Variants in PPP2R2C observed in about 807,000 individuals in gnomAD.
The protein encoded by PPP2R2C is protein phosphatase 2, regulatory subunit B, gamma.
A neutral mutation model predicts 45.3 loss-of-function variants in PPP2R2C; 10 were observed. The ratio of observed to expected loss-of-function variants is 0.22; its 90% CI spans 0.14 to 0.37. PPP2R2C has a LOEUF of 0.37. PPP2R2C is among the 10% of genes least tolerant of loss of function. The pLI, the probability that PPP2R2C is intolerant of heterozygous loss-of-function variation, is 1.00. For synonymous variants in PPP2R2C, 257 were observed against 245.4 expected (o/e 1.05, Z -0.44); for missense variants, 308 against 619.7 (o/e 0.50, Z 5.34).
At chr4:6,325,582 C>T (rs1010246476) in intron 8 of PPP2R2C, among the ~76,000 whole-genome samples, 2 of 152,128 alleles carry the variant, frequency 1.3e-5, no homozygotes, top group African/African-American at 4.8e-5. Flanking sequence ...GGAAGGAGAG[C>T]GACATAATTA....
rs532160110 is a variant in PPP2R2C, at chr4:6,384,652, T to C, written c.71-3558A>G. The C allele has an allele frequency of 1.3e-5, 13 of 985,490 alleles. No homozygotes were observed. The South Asian group carries it at 5.6e-4, about 43-fold the overall frequency. The allele number at this position is 985,490 out of a possible 1,614,324, so 61.0% of individuals were successfully genotyped here. Reference sequence around the variant, plus strand: ...CCAATATAACTATTGCTATCCCAAGTAAATGCAGTCCACAAATGCTGGGTG... The same window carrying C: ...CCAATATAACTATTGCTATCCCAAGCAAATGCAGTCCACAAATGCTGGGTG... On this transcript the variant is annotated intron_variant, in intron 1 of 8. Transcript: ENST00000382599.
chr4:6,458,040 C>G (rs982564069), intron 1 of PPP2R2C, among the ~76,000 whole-genome samples: 2 of 152,218 alleles, frequency 1.3e-5, no homozygotes, highest in African/African-American at 4.8e-5. Context: ...CACTCAACTC[C>G]TCTGGCTGCA....
At chr4:6,414,112 G>A in intron 1 of PPP2R2C, 1 of 1,278,708 alleles carries the variant, frequency 7.8e-7, no homozygotes, top group Non-Finnish European at 1.0e-6. Context: ...GTGTGTGTGT[G>A]TGTGTGTGTG....
intron 1 of PPP2R2C, among the ~76,000 whole-genome samples, chr4:6,403,160 G>A (rs776172548): frequency 2.0e-5 from 3 of 152,236 alleles, no homozygotes; most frequent in Non-Finnish European, 4.4e-5. Flanking sequence ...CCACGTGGGT[G>A]GGAGATTACT....
intron 1 of PPP2R2C, among the ~76,000 whole-genome samples, chr4:6,403,576 C>G (rs1717590918): frequency 6.6e-6 from 1 of 152,140 alleles, no homozygotes; most frequent in Admixed American, 6.5e-5. Context: ...TGGAACCTTT[C>G]CACTGACATG....
intron 5 of PPP2R2C, chr4:6,349,771 G>T: frequency 1.4e-6 from 1 of 739,262 alleles, no homozygotes; most frequent in South Asian, 6.1e-5. Context: ...TATGCCTGTA[G>T]TCCCAGCTAA....
chr4:6,456,980 G>A (rs1721075209), intron 1 of PPP2R2C, among the ~76,000 whole-genome samples: 1 of 152,092 alleles, frequency 6.6e-6, no homozygotes, highest in Non-Finnish European at 1.5e-5. Flanking sequence ...GGCTAAGGCG[G>A]GCAGATCACC....
chr4:6,461,847 G>C (rs1174157679), intron 1 of PPP2R2C, among the ~76,000 whole-genome samples: 1 of 152,234 alleles, frequency 6.6e-6, no homozygotes, highest in Non-Finnish European at 1.5e-5. Context: ...AGTGAGCACT[G>C]TGTGGGCAGG....
At chr4:6,447,563 C>G (rs1452404585) in intron 1 of PPP2R2C, among the ~76,000 whole-genome samples, 2 of 135,504 alleles carry the variant, frequency 1.5e-5, no homozygotes, top group Non-Finnish European at 3.1e-5. Context: ...AAGATGGTGA[C>G]CTGACCTTTG....
chr4:6,363,084 G>C (rs1350832678), intron 5 of PPP2R2C, among the ~76,000 whole-genome samples: 1 of 152,140 alleles, frequency 6.6e-6, no homozygotes, highest in African/African-American at 2.4e-5. Context: ...TGCTGACCTC[G>C]ACGCAATGGC....
rs143908910 is a variant in PPP2R2C at position 6,378,773 on chromosome 4, G to A, written c.169-201C>T. On this transcript the variant is annotated intron_variant, in intron 2 of 8. Transcript: ENST00000382599. This position sits in a 1 kb window ranked among gnomAD's most constrained non-coding sequence, Gnocchi z 5.2. Reference sequence around the variant, plus strand: ...CCAGGGACAAGCCCCGCTCCCGTGCGGTCCCATGAAACACTCACACCCGAG... The same window carrying A: ...CCAGGGACAAGCCCCGCTCCCGTGCAGTCCCATGAAACACTCACACCCGAG... Among the ~76,000 whole-genome samples the A allele has an allele frequency of 1.4e-3, 208 of 152,142 alleles. No individual in the cohort carries two copies. The highest frequency in any genetic ancestry group is 4.7e-3 in the African/African-American group (196 of 41,492).
chr4:6,337,110 GTGTATATATATATATA>G lies in PPP2R2C; in HGVS notation c.791-3395_791-3380del, dbSNP rs1436359475. 7.3e-3 allele frequency among the ~76,000 whole-genome samples: 301 copies of G among 41,500 alleles called. 16 individuals carry two copies. Among genetic ancestry groups the G allele is most frequent in the South Asian group, 0.015 (11 of 712 alleles). The allele number at this position is 41,500 out of a possible 152,430, so 27.2% of individuals were successfully genotyped here. A position where few individuals can be genotyped will look rare whatever the true frequency, so the allele number is the denominator to read the frequency against. On this transcript the variant is annotated intron_variant, in intron 6 of 8. Transcript: ENST00000382599. ...GGCATCTTTGTTTCTGTATGTGTGTGTGTATATATATATATATATATATATATATATATATATATAT... is the reference window on the plus strand; with the variant it reads ...GGCATCTTTGTTTCTGTATGTGTGTGTATATATATATATATATATATATAT...
At chr4:6,353,945 A>G (rs570270560) in intron 5 of PPP2R2C, among the ~76,000 whole-genome samples, 34 of 35,862 alleles carry the variant, frequency 9.5e-4, no homozygotes, top group African/African-American at 2.7e-3. Flanking sequence ...CCCCCACACC[A>G]ACAGCCCCCA....
At chr4:6,384,667 A>T in intron 1 of PPP2R2C, 1 of 985,464 alleles carries the variant, frequency 1.0e-6, no homozygotes, top group African/African-American at 1.7e-5. Flanking sequence ...GCAGTCCACA[A>T]ATGCTGGGTG....
At chr4:6,325,337 G>A (rs1013817166) in intron 8 of PPP2R2C, among the ~76,000 whole-genome samples, 6 of 152,112 alleles carry the variant, frequency 3.9e-5, no homozygotes, top group Non-Finnish European at 7.3e-5. Context: ...GACCAAAGCC[G>A]CACCCGCTTT....
chr4:6,324,848 T>C lies in PPP2R2C; in HGVS notation c.1053-1255A>G, dbSNP rs937043017. ...GCGCCCAGAGGGAGGGTTTTGGGGT[T>C]TGGCCTCTGCAGGGCCCTGGAGCAG... On this transcript the variant is annotated intron_variant, in intron 8 of 8. Transcript: ENST00000382599. This position sits in a 1 kb window ranked among gnomAD's most constrained non-coding sequence, Gnocchi z 4.1. 1.3e-5 allele frequency among the ~76,000 whole-genome samples: 2 copies of C among 152,208 alleles called. No homozygotes were observed. Among genetic ancestry groups the C allele is most frequent in the African/African-American group, 4.8e-5 (2 of 41,448 alleles).
Position 6,426,366 on chromosome 4 carries a change from G to A in PPP2R2C, c.71-45272C>T, listed in dbSNP as rs537222262. 1.4e-4 allele frequency among the ~76,000 whole-genome samples: 22 copies of A among 152,270 alleles called. 1 individual carries two copies. The highest frequency in any genetic ancestry group is 4.6e-4 in the African/African-American group (19 of 41,556). Reference sequence around the variant, plus strand: ...CCATTGCTGCCTGTGTTTGTTCCACGAGCACTTCCTGCAGCCTACTGTGTG... The same window carrying A: ...CCATTGCTGCCTGTGTTTGTTCCACAAGCACTTCCTGCAGCCTACTGTGTG... On this transcript the variant is annotated intron_variant, in intron 1 of 8. Transcript: ENST00000382599.
At chr4:6,429,946 C>T (rs1421163116) in intron 1 of PPP2R2C, among the ~76,000 whole-genome samples, 1 of 152,094 alleles carries the variant, frequency 6.6e-6, no homozygotes, top group Non-Finnish European at 1.5e-5. Flanking sequence ...GAACACAAGG[C>T]CCAGAGAAGT....
At chr4:6,412,543 G>T (rs1306203109) in intron 1 of PPP2R2C, among the ~76,000 whole-genome samples, 1 of 152,204 alleles carries the variant, frequency 6.6e-6, no homozygotes, top group African/African-American at 2.4e-5. Flanking sequence ...CTCCTGAAGG[G>T]CACAGTTAGG....
Sources: allele counts gnomAD v4.1 joint callset (sites outside exome capture counted in the v4.1 genomes callset), GRCh38; gene constraint gnomAD v4.1.1; non-coding constraint Gnocchi (gnomAD v3.1); transcripts MANE v1.5; gene names NCBI Gene and HGNC (gene_info 2026-07-23, HGNC 2026-07-21).